Variants in FOXP2 observed in about 807,000 individuals in gnomAD.
FOXP2 encodes forkhead box P2.
A neutral mutation model predicts 115.8 loss-of-function variants in FOXP2; 12 were observed. The ratio of observed to expected loss-of-function variants is 0.10; its 90% confidence interval spans 0.07 to 0.17. The LOEUF (loss-of-function observed/expected upper bound fraction) is 0.17. Ranked by LOEUF, FOXP2 falls within the 10% of genes least tolerant of loss-of-function variation. FOXP2 has a pLI of 1.00. For synonymous variants in FOXP2, 328 were observed against 297.7 expected, an observed-to-expected ratio of 1.10 and a Z score of -1.05; for missense variants, 629 against 843.5, an observed-to-expected ratio of 0.75 and a Z score of 3.15.
intron 3 of FOXP2, among the ~76,000 whole-genome samples, chr7:114,584,253 A>G (rs1428722593): frequency 5.3e-5 from 8 of 152,048 alleles, no homozygotes. Flanking sequence ...TTTAAAGGAA[A>G]TCTTTTCCCC....
intron 1 of FOXP2, among the ~76,000 whole-genome samples, chr7:114,220,873 AAG>A (rs1402952411): frequency 3.3e-5 from 5 of 152,184 alleles, no homozygotes; most frequent in African/African-American, 1.2e-4. Context: ...TTTAGACTAA[AAG>A]AAAACTCTCT....
chr7:114,642,813 T>TATATATATATATATATA (rs1491281422), intron 7 of FOXP2, among the ~76,000 whole-genome samples, 190 bp downstream of exon 7: 1 of 58,498 alleles, frequency 1.7e-5, no homozygotes, highest in South Asian at 6.0e-4. Flanking sequence ...TATATATATA[T>TATATATATATATATATA]TTTTTTTTTT....
intron 3 of FOXP2, among the ~76,000 whole-genome samples, chr7:114,604,674 G>T (rs35045198): frequency 6.6e-6 from 1 of 151,976 alleles, no homozygotes; most frequent in Non-Finnish European, 1.5e-5. Flanking sequence ...ATTTACATCT[G>T]CCTCATCTGG....
chr7:114,523,923 C>T (rs1389823078), intron 2 of FOXP2, among the ~76,000 whole-genome samples: 1 of 152,068 alleles, frequency 6.6e-6, no homozygotes, highest in African/African-American at 2.4e-5. Context: ...TTTAAGTGGG[C>T]AACTTGGTGT....
chr7:114,371,339 G>T (rs1235993242), intron 2 of FOXP2, among the ~76,000 whole-genome samples: 3 of 151,314 alleles, frequency 2.0e-5, no homozygotes, highest in Non-Finnish European at 4.4e-5. Flanking sequence ...TCCTGCCTCA[G>T]CCTCCCAAAG....
intron 2 of FOXP2, among the ~76,000 whole-genome samples, chr7:114,299,130 C>A (rs1562860484): frequency 6.6e-6 from 1 of 151,954 alleles, no homozygotes; most frequent in Non-Finnish European, 1.5e-5. Flanking sequence ...ACTTAATTTG[C>A]AATCTTAAAA....
chr7:114,404,088 A>G (rs1317526112), intron 2 of FOXP2, among the ~76,000 whole-genome samples: 2 of 152,138 alleles, frequency 1.3e-5, no homozygotes, highest in African/African-American at 2.4e-5. Context: ...CTTACCATTC[A>G]TTAAATGGGT....
At chr7:114,091,252 G>A (rs1446300684) in intron 1 of FOXP2, among the ~76,000 whole-genome samples, 1 of 151,792 alleles carries the variant, frequency 6.6e-6, no homozygotes, top group Non-Finnish European at 1.5e-5. Flanking sequence ...GAAATAGTAT[G>A]ACCTAATGAA....
intron 1 of FOXP2, among the ~76,000 whole-genome samples, chr7:114,240,225 G>C (rs933954598): frequency 2.0e-5 from 3 of 152,052 alleles, no homozygotes; most frequent in African/African-American, 7.2e-5. Context: ...TTTGTTGGTT[G>C]GGGGGAGGAA....
At chr7:114,598,086 A>T (rs1017481295) in intron 3 of FOXP2, among the ~76,000 whole-genome samples, 4 of 152,084 alleles carry the variant, frequency 2.6e-5, no homozygotes, top group African/African-American at 9.7e-5. Context: ...GCCAGAATAA[A>T]TTTTTGCCTT....
chr7:114,353,426 C>T (rs1584659861), intron 2 of FOXP2, among the ~76,000 whole-genome samples: 1 of 139,018 alleles, frequency 7.2e-6, no homozygotes. Flanking sequence ...AGGCCAGCAT[C>T]GAATGAAGGA....
At chr7:114,591,239 C>T (rs1317407160) in intron 3 of FOXP2, among the ~76,000 whole-genome samples, 1 of 152,112 alleles carries the variant, frequency 6.6e-6, no homozygotes, top group African/African-American at 2.4e-5. Flanking sequence ...TTATCTAACT[C>T]ATTAAGTAAA....
intron 2 of FOXP2, among the ~76,000 whole-genome samples, chr7:114,309,131 T>C (rs980022081): frequency 1.3e-5 from 2 of 152,210 alleles, no homozygotes; most frequent in Non-Finnish European, 2.9e-5. Flanking sequence ...CTTTTTGTTA[T>C]AATAAAGACA....
intron 1 of FOXP2, among the ~76,000 whole-genome samples, chr7:114,185,234 G>T (rs1205362114): frequency 1.3e-5 from 2 of 151,498 alleles, no homozygotes; most frequent in African/African-American, 4.9e-5. Flanking sequence ...CAGTTTTTTG[G>T]CTCCTTCAGA....
intron 1 of FOXP2, among the ~76,000 whole-genome samples, chr7:114,275,164 T>C (rs1324367440): frequency 6.6e-6 from 1 of 151,986 alleles, no homozygotes; most frequent in African/African-American, 2.4e-5. Context: ...TTCTAATTGG[T>C]GTTCTCTGAG....
At chr7:114,329,325 C>G (rs1797636297) in intron 2 of FOXP2, among the ~76,000 whole-genome samples, 1 of 151,906 alleles carries the variant, frequency 6.6e-6, no homozygotes, top group African/African-American at 2.4e-5. Flanking sequence ...CAAGACCAGC[C>G]TTGTCAACAT....
intron 3 of FOXP2, among the ~76,000 whole-genome samples, chr7:114,625,753 C>T (rs1804535194): frequency 6.6e-6 from 1 of 151,730 alleles, no homozygotes; most frequent in Non-Finnish European, 1.5e-5. Flanking sequence ...GTAGAAAAAA[C>T]TAGTTTTTTG....
intron 1 of FOXP2, among the ~76,000 whole-genome samples, chr7:114,145,460 T>TCTTTTCTTTTCTTTTCTTTTCTTTC (rs1792342972): frequency 7.2e-6 from 1 of 138,992 alleles, no homozygotes; most frequent in Non-Finnish European, 1.5e-5. Context: ...TCTTTTCTTT[T>TCTTTTCTTTTCTTTTCTTTTCTTTC]CTTTTCTTTT....
intron 3 of FOXP2, among the ~76,000 whole-genome samples, chr7:114,605,311 T>C (rs1584944408): frequency 6.6e-6 from 1 of 152,166 alleles, no homozygotes; most frequent in Non-Finnish European, 1.5e-5. Flanking sequence ...AGCATTTGTG[T>C]GCATATTTTA....
Sources: allele counts gnomAD v4.1 joint callset (sites outside exome capture counted in the v4.1 genomes callset), GRCh38; gene constraint gnomAD v4.1.1; transcripts MANE v1.5; gene names NCBI Gene and HGNC (gene_info 2026-07-23, HGNC 2026-07-21).